Variants in TAOK3 observed in about 807,000 individuals in gnomAD.
The protein encoded by TAOK3 is serine/threonine-protein kinase TAO3.
A neutral mutation model predicts 120.4 loss-of-function variants in TAOK3; 40 were observed. The observed-to-expected ratio is 0.33, with a 90% CI of 0.26 to 0.43. The LOEUF (loss-of-function observed/expected upper bound fraction) is 0.43, where lower values mean the gene tolerates loss of function less well. Among genes scored for constraint, TAOK3 ranks in the 20% least tolerant of loss-of-function variants. The probability of loss-of-function intolerance (pLI) is 1.00; values close to 1 mark genes in which losing one functional copy is unlikely to be tolerated. For synonymous variants in TAOK3, 355 were observed against 387.5 expected (o/e 0.92, Z 0.99); for missense variants, 821 against 1,112.1 (o/e 0.74, Z 3.72).
At chr12:118,279,088 G>A (rs1048215972) in intron 1 of TAOK3, among the ~76,000 whole-genome samples, 1 of 152,130 alleles carries the variant, frequency 6.6e-6, no homozygotes, top group Non-Finnish European at 1.5e-5. Flanking sequence ...AGAGTGCTAG[G>A]ATTACAGGTG....
At chr12:118,366,250 C>T (rs554960772) in intron 1 of TAOK3, among the ~76,000 whole-genome samples, 5 of 151,682 alleles carry the variant, frequency 3.3e-5, no homozygotes, top group Admixed American at 2.6e-4. Flanking sequence ...AGCGAAAGAG[C>T]GAGACTCAAT....
At chr12:118,221,311 C>T (rs1035249404) in intron 9 of TAOK3, among the ~76,000 whole-genome samples, 44 of 152,260 alleles carry the variant, frequency 2.9e-4, no homozygotes, top group African/African-American at 9.9e-4. Flanking sequence ...GTAACCTCCG[C>T]CTCCCAGGCT....
chr12:118,220,895 T>C (rs2039197286), intron 9 of TAOK3, among the ~76,000 whole-genome samples: 2 of 152,232 alleles, frequency 1.3e-5, no homozygotes, highest in East Asian at 1.9e-4. Context: ...AGTGATCTCA[T>C]CTATGTTCAA....
intron 2 of TAOK3, among the ~76,000 whole-genome samples, chr12:118,264,763 G>A (rs2041371064): frequency 6.6e-6 from 1 of 152,176 alleles, no homozygotes; most frequent in African/African-American, 2.4e-5. Flanking sequence ...TCTGGGTGTG[G>A]TAGCTCATGC....
At chr12:118,214,317 C>A in intron 9 of TAOK3, 1 of 497,368 alleles carries the variant, frequency 2.0e-6, no homozygotes, top group Non-Finnish European at 3.5e-6. Context: ...ATTGGCAAAG[C>A]TCCTAACAGA....
chr12:118,215,367 C>T (rs1344910641), intron 9 of TAOK3, among the ~76,000 whole-genome samples: 1 of 148,846 alleles, frequency 6.7e-6, no homozygotes, highest in East Asian at 2.0e-4. Flanking sequence ...AAAAAATTAG[C>T]TGGGCATGGT....
intron 17 of TAOK3, among the ~76,000 whole-genome samples, chr12:118,163,091 G>A (rs549123616): frequency 6.6e-6 from 1 of 152,294 alleles, no homozygotes; most frequent in South Asian, 2.1e-4. Flanking sequence ...TCTCTACTCG[G>A]AATTTGGAAT....
intron 2 of TAOK3, among the ~76,000 whole-genome samples, chr12:118,256,367 G>A (rs2040988713): frequency 3.3e-5 from 5 of 152,158 alleles, no homozygotes; most frequent in Middle Eastern, 6.8e-3. Context: ...CTTAAATACC[G>A]AGTTACCATT....
intron 1 of TAOK3, among the ~76,000 whole-genome samples, chr12:118,289,557 T>G (rs998331017): frequency 6.6e-6 from 1 of 152,194 alleles, no homozygotes; most frequent in African/African-American, 2.4e-5. Context: ...CTCTTTAAAT[T>G]TATTTGATCT....
intron 1 of TAOK3, among the ~76,000 whole-genome samples, chr12:118,356,536 G>C (rs112820639): frequency 1.3e-5 from 2 of 151,986 alleles, no homozygotes; most frequent in African/African-American, 4.8e-5. Flanking sequence ...CTGGCCTCAA[G>C]TGATATTCCA....
At chr12:118,323,161 T>C (rs2043794259) in intron 1 of TAOK3, among the ~76,000 whole-genome samples, 1 of 152,148 alleles carries the variant, frequency 6.6e-6, no homozygotes, top group Non-Finnish European at 1.5e-5. Context: ...AAAAGTGTCA[T>C]GAAGAAGGGC....
chr12:118,237,380 G>A lies in TAOK3; in HGVS notation c.437+693C>T, dbSNP rs139895237. Among the ~76,000 whole-genome samples, 13 of 152,240 alleles carry A rather than the reference G, an allele frequency of 8.5e-5. No homozygotes were observed. The East Asian group carries it at 2.5e-3, about 29-fold the overall frequency. ...GTAACTGTACTAAAAGTTCATTACT[G>A]AGAGAAGAAAAGATTGGTAACATGT... is the stretch of plus-strand genomic sequence containing the variant. On this transcript the variant is annotated intron_variant, in intron 7 of 20. Coordinates refer to ENST00000392533, the MANE Select transcript of TAOK3 (RefSeq NM_016281.4).
intron 2 of TAOK3, among the ~76,000 whole-genome samples, chr12:118,262,653 C>T (rs763368179): frequency 6.6e-6 from 1 of 151,624 alleles, no homozygotes; most frequent in African/African-American, 2.4e-5. Context: ...ATGGTGAAAC[C>T]CTGTCTCTAC....
chr12:118,316,285 A>G (rs528500787), intron 1 of TAOK3, among the ~76,000 whole-genome samples: 1 of 152,240 alleles, frequency 6.6e-6, no homozygotes, highest in African/African-American at 2.4e-5. Flanking sequence ...CCTGCTACTC[A>G]TAAGAGTCTG....
chr12:118,356,102 C>A (rs1353541660), intron 1 of TAOK3, among the ~76,000 whole-genome samples: 1 of 152,128 alleles, frequency 6.6e-6, no homozygotes, highest in Non-Finnish European at 1.5e-5. Flanking sequence ...TTGTGTGATA[C>A]AAATGATAGC....
chr12:118,213,973 T>C, intron 10 of TAOK3, 44 bp downstream of exon 10: 1 of 1,487,170 alleles, frequency 6.7e-7, no homozygotes, highest in Non-Finnish European at 9.4e-7. Flanking sequence ...GTCAAATACA[T>C]ACGGTGATTT....
chr12:118,362,749 G>A (rs1366608149), intron 1 of TAOK3, among the ~76,000 whole-genome samples: 2 of 152,016 alleles, frequency 1.3e-5, no homozygotes, highest in Non-Finnish European at 1.5e-5. Flanking sequence ...GGTGTGCAGC[G>A]GCTCACATCT....
chr12:118,255,424 T>A (rs1173563314), intron 3 of TAOK3, 24 bp downstream of exon 3: 1 of 1,613,338 alleles, frequency 6.2e-7, no homozygotes, highest in Non-Finnish European at 8.5e-7. Context: ...CTGATCTATC[T>A]AAAAGACTCT....
In TAOK3 at chr12:118,161,648, G is replaced by T; in HGVS notation, c.2139+140C>A. On this transcript the variant is annotated intron_variant, in intron 18 of 20. Coordinates refer to ENST00000392533, the MANE Select transcript of TAOK3 (RefSeq NM_016281.4). This position sits in a 1 kb window ranked among gnomAD's most constrained non-coding sequence, Gnocchi z 4.5. ...TCAGGAGCTTAAATATAGACTCTGT[G>T]CTTTGCAACTGGAGATTCTGATACA... is the stretch of plus-strand genomic sequence containing the variant. The T allele has an allele frequency of 8.7e-7, 1 of 1,147,962 alleles. No individual in the cohort carries two copies. The highest frequency in any genetic ancestry group is 1.2e-6 in the Non-Finnish European group (1 of 801,380). The allele number at this position is 1,147,962 out of a possible 1,614,324, so 71.1% of individuals were successfully genotyped here.
Sources: gnomAD v4.1 joint callset for allele counts (sites outside exome capture counted in the v4.1 genomes callset) on GRCh38, gnomAD v4.1.1 for gene constraint, Gnocchi (gnomAD v3.1) non-coding constraint, MANE v1.5 for transcripts, NCBI Gene and HGNC (gene_info 2026-07-23, HGNC 2026-07-21) for gene names.